The following ARID4B variants were observed in gnomAD, a reference collection of about 807,000 sequenced individuals.
ARID4B encodes the protein AT-rich interactive domain-containing protein 4B.
A neutral mutation model predicts 147.5 loss-of-function variants in ARID4B; 26 were observed. The ratio of observed to expected loss-of-function variants is 0.18; its 90% CI spans 0.13 to 0.24. The LOEUF (loss-of-function observed/expected upper bound fraction) is 0.24, where lower values mean the gene tolerates loss of function less well. ARID4B is among the 10% of genes least tolerant of loss of function. The pLI is 1.00. For synonymous variants in ARID4B, 512 were observed against 507.9 expected, an observed-to-expected ratio of 1.01 and a Z score of -0.11; for missense variants, 1,179 against 1,511.5, an observed-to-expected ratio of 0.78 and a Z score of 3.65.
At chr1:235,283,480 C>A (rs956715831) in intron 2 of ARID4B, among the ~76,000 whole-genome samples, 1 of 152,152 alleles carries the variant, frequency 6.6e-6, no homozygotes, top group Non-Finnish European at 1.5e-5. Context: ...ACCTCTGTAA[C>A]GTCTGAATTA....
At position 235,268,410 on chromosome 1, in the gene ARID4B, T is replaced by C. The variant is rs571828139; in HGVS notation, c.7-7658A>G. On this transcript the variant is annotated intron_variant, in intron 2 of 23. Coordinates refer to ENST00000264183, the MANE Select transcript of ARID4B (RefSeq NM_016374.6). ...ACACAGAAAAATAAACAAGTACTTC[T>C]AGGTGTGCGTGTGTGTCCCTATATT... 1.4e-4 allele frequency among the ~76,000 whole-genome samples: 21 copies of C among 152,230 alleles called. No individual in the cohort carries two copies. The East Asian group carries it at 3.9e-3, about 28-fold the overall frequency.
intron 6 of ARID4B, among the ~76,000 whole-genome samples, chr1:235,251,647 T>C (rs1234126638): frequency 2.6e-5 from 2 of 77,382 alleles, no homozygotes; most frequent in Non-Finnish European, 3.5e-5. Context: ...AAATAAGTAA[T>C]ATTAAAGTAA....
rs140839944 is a variant in ARID4B, at chr1:235,296,103, A to C, written c.6+30811T>G. Reference sequence around the variant, plus strand: ...GAGAAACCAGCTTGACCACTATGCTATCAAGTTTCCCCTGACCACTGAGTC... The same window carrying C: ...GAGAAACCAGCTTGACCACTATGCTCTCAAGTTTCCCCTGACCACTGAGTC... On this transcript the variant is annotated intron_variant, in intron 2 of 23. Transcript: ENST00000264183. 3.5e-5 allele frequency: 6 copies of C among 173,152 alleles called. No homozygotes were observed. The Admixed American group carries it at 3.5e-4, about 10-fold the overall frequency. The allele number at this position is 173,152 out of a possible 1,614,324, so 10.7% of individuals were successfully genotyped here.
chr1:235,297,539 C>T (rs932153147), intron 2 of ARID4B, among the ~76,000 whole-genome samples: 3 of 152,176 alleles, frequency 2.0e-5, no homozygotes, highest in African/African-American at 7.2e-5. Flanking sequence ...ATCTAGTCAA[C>T]AATCCTCAGA....
chr1:235,200,076 T>C (rs181493627), intron 17 of ARID4B, among the ~76,000 whole-genome samples: 1 of 150,992 alleles, frequency 6.6e-6, no homozygotes, highest in African/African-American at 2.4e-5. Flanking sequence ...CCCAGAACTA[T>C]GGGAGGCCCA....
chr1:235,321,178 ATT>A (rs1317237332), intron 2 of ARID4B, among the ~76,000 whole-genome samples: 1 of 152,050 alleles, frequency 6.6e-6, no homozygotes, highest in Non-Finnish European at 1.5e-5. Flanking sequence ...CTCACCTAGT[ATT>A]TTTTTTAATT....
At chr1:235,211,333 GGAA>G (rs1415290982) in intron 17 of ARID4B, among the ~76,000 whole-genome samples, 1 of 151,644 alleles carries the variant, frequency 6.6e-6, no homozygotes, top group Non-Finnish European at 1.5e-5. Context: ...CTCCGTGGAA[GGAA>G]GGAGGGAAGG....
chr1:235,224,640 T>C, intron 12 of ARID4B, 63 bp downstream of exon 12: 2 of 1,157,310 alleles, frequency 1.7e-6, no homozygotes, highest in Non-Finnish European at 2.5e-6. Context: ...TCTATTCTTA[T>C]TTTTAAGATA....
intron 2 of ARID4B, among the ~76,000 whole-genome samples, chr1:235,286,323 C>G (rs1432745279): frequency 1.3e-5 from 2 of 152,120 alleles, no homozygotes; most frequent in African/African-American, 4.8e-5. Flanking sequence ...CATGAGCCAT[C>G]GCACCCAGGC....
intron 2 of ARID4B, among the ~76,000 whole-genome samples, chr1:235,325,832 C>T (rs1300380047): frequency 6.6e-6 from 1 of 152,184 alleles, no homozygotes; most frequent in African/African-American, 2.4e-5. Flanking sequence ...GTATAGTAGA[C>T]CAAGATTTAA....
At chr1:235,277,303 G>A (rs1051769479) in intron 2 of ARID4B, among the ~76,000 whole-genome samples, 2 of 152,002 alleles carry the variant, frequency 1.3e-5, no homozygotes, top group African/African-American at 2.4e-5. Context: ...ACTATGGGAG[G>A]CTGAGAAGGG....
rs536775230 is a variant in ARID4B at position 235,291,203 on chromosome 1, T to C, written c.7-30451A>G. 2.4e-4 allele frequency among the ~76,000 whole-genome samples: 36 copies of C among 151,642 alleles called. No homozygotes were observed. The South Asian group carries it at 7.5e-3, about 32-fold the overall frequency. On this transcript the variant is annotated intron_variant, in intron 2 of 23. Transcript: ENST00000264183. ...CCAGGTCAGGAGATCAAGACCACCC[T>C]GGCTAACACGTTGAAACCCCGTCTC...
At chr1:235,239,144 G>T (rs1313133681) in intron 8 of ARID4B, among the ~76,000 whole-genome samples, 2 of 151,888 alleles carry the variant, frequency 1.3e-5, no homozygotes, top group Non-Finnish European at 2.9e-5. Context: ...TAATTTTTTT[G>T]TATTTTTAGT....
chr1:235,220,656 A>G (rs1478724557), intron 14 of ARID4B, 111 bp from the exon 15 acceptor site: 2 of 869,774 alleles, frequency 2.3e-6, no homozygotes, highest in African/African-American at 3.5e-5. Flanking sequence ...ATATTGAGCC[A>G]TATTAACATT....
chr1:235,195,545 T>C (rs1665435897), intron 18 of ARID4B, among the ~76,000 whole-genome samples: 1 of 151,486 alleles, frequency 6.6e-6, no homozygotes, highest in Admixed American at 6.6e-5. Flanking sequence ...TGAGCCGAGG[T>C]TGCACCACTG....
chr1:235,229,498 T>G, intron 10 of ARID4B, 113 bp from the exon 11 acceptor site: 1 of 724,228 alleles, frequency 1.4e-6, no homozygotes, highest in African/African-American at 1.8e-5. Flanking sequence ...CACTGACATT[T>G]ATTGTTTGCT....
rs1329540321 is a variant in ARID4B, at chr1:235,328,019, C to T, written c.-300G>A. The T allele has an allele frequency of 1.3e-5, 2 of 152,734 alleles. No individual in the cohort carries two copies. The highest frequency in any genetic ancestry group is 1.5e-5 in the Non-Finnish European group (1 of 68,192). The allele number at this position is 152,734 out of a possible 1,614,324, so 9.5% of individuals were successfully genotyped here. On this transcript the variant is annotated 5_prime_UTR_variant, in exon 1 of 24. Transcript: ENST00000264183. ...CCCCCGGACTGGAGGTCCGGGCCCCCAATCGCGCTGCCCTCCAGAGGACGG... is the reference window on the plus strand; with the variant it reads ...CCCCCGGACTGGAGGTCCGGGCCCCTAATCGCGCTGCCCTCCAGAGGACGG...
intron 8 of ARID4B, among the ~76,000 whole-genome samples, chr1:235,238,556 A>G (rs559389015): frequency 1.3e-5 from 2 of 152,160 alleles, no homozygotes; most frequent in South Asian, 2.1e-4. Context: ...AGGGGAGGAC[A>G]TATTTGTAAA....
intron 23 of ARID4B, among the ~76,000 whole-genome samples, chr1:235,171,756 C>T (rs1318268182): frequency 3.9e-5 from 6 of 152,090 alleles, no homozygotes; most frequent in Non-Finnish European, 7.4e-5. Context: ...TCTCCTGCGT[C>T]GGCCTCCCAA....
Sources: gnomAD v4.1 joint callset for allele counts (sites outside exome capture counted in the v4.1 genomes callset) on GRCh38, gnomAD v4.1.1 for gene constraint, MANE v1.5 for transcripts, NCBI Gene and HGNC (gene_info 2026-07-23, HGNC 2026-07-21) for gene names.